Variants in CYP4Z1 observed in about 807,000 individuals in gnomAD.
CYP4Z1 encodes cytochrome P450 family 4 subfamily Z member 1, also known as cytochrome P450 4Z1.
CYP4Z1 carries 41 observed loss-of-function variants against 54.2 expected under a neutral mutation model. The observed-to-expected ratio is 0.76, with a 90% confidence interval of 0.59 to 0.98. The LOEUF is 0.98. Among genes scored for constraint, CYP4Z1 ranks in the 50% least tolerant of loss-of-function variants. CYP4Z1 has a pLI of 0.00. For synonymous variants in CYP4Z1, 163 were observed against 206.2 expected (o/e 0.79, Z 1.79); for missense variants, 513 against 599.0 (o/e 0.86, Z 1.50).
In CYP4Z1 at chr1:47,104,984, C is replaced by T. The variant is rs372738351; in HGVS notation, c.1068-1144C>T. Among the ~76,000 whole-genome samples the T allele has an allele frequency of 2.1e-4, 32 of 152,176 alleles. No homozygotes were observed. In the East Asian group the frequency reaches 5.4e-3, roughly 26 times the overall value. ...GGAGTGCAATGGCACGATCTAGGCTCACCACAAGGGAGGCGCTGCTTTCAT... is the reference window on the plus strand; with the variant it reads ...GGAGTGCAATGGCACGATCTAGGCTTACCACAAGGGAGGCGCTGCTTTCAT... On this transcript the variant is annotated intron_variant, in intron 8 of 11. Transcript: ENST00000334194.
intron 6 of CYP4Z1, among the ~76,000 whole-genome samples, chr1:47,085,726 G>T (rs1239435107): frequency 6.6e-6 from 1 of 150,794 alleles, no homozygotes; most frequent in African/African-American, 2.4e-5. Flanking sequence ...TAAGTTCTAG[G>T]ATACATGTGC....
At chr1:47,106,003 T>G in intron 8 of CYP4Z1, 125 bp from the exon 9 acceptor site, 4 of 1,180,678 alleles carry the variant, frequency 3.4e-6, no homozygotes, top group Non-Finnish European at 4.8e-6. Context: ...TTGATACATC[T>G]GAAGTCCTCC....
intron 6 of CYP4Z1, among the ~76,000 whole-genome samples, chr1:47,085,663 T>G (rs1368429023): frequency 6.6e-6 from 1 of 152,114 alleles, no homozygotes; most frequent in Non-Finnish European, 1.5e-5. Flanking sequence ...CCCTTATATT[T>G]GCGGTTTATG....
chr1:47,064,789 G>T (rs1644441298), upstream of CYP4Z1, among the ~76,000 whole-genome samples: 1 of 152,106 alleles, frequency 6.6e-6, no homozygotes, highest in African/African-American at 2.4e-5. Flanking sequence ...CCAAATTTCT[G>T]CTGTCTTCAG....
At chr1:47,113,873 A>G (rs1487930194) in intron 9 of CYP4Z1, among the ~76,000 whole-genome samples, 1 of 152,228 alleles carries the variant, frequency 6.6e-6, no homozygotes, top group Non-Finnish European at 1.5e-5. Context: ...ATACTGCCCA[A>G]GGTAATTTAT....
At chr1:47,085,703 T>A (rs1314562021) in intron 6 of CYP4Z1, among the ~76,000 whole-genome samples, 4 of 152,160 alleles carry the variant, frequency 2.6e-5, no homozygotes, top group African/African-American at 9.7e-5. Flanking sequence ...TCCTTTTTTT[T>A]ATTATTATAC....
chr1:47,096,386 G>C (rs1011477936), intron 7 of CYP4Z1, among the ~76,000 whole-genome samples: 1 of 152,196 alleles, frequency 6.6e-6, no homozygotes, highest in Admixed American at 6.5e-5. Context: ...CTGTGTGACA[G>C]AGCAAGATAT....
chr1:47,058,293 C>T, the CYP4Z1 span, among the ~76,000 whole-genome samples: 1 of 151,906 alleles, frequency 6.6e-6, no homozygotes, highest in South Asian at 2.1e-4. Flanking sequence ...TAATTTTTCA[C>T]TTTTAAAATG....
chr1:47,093,543 G>C (rs942984713), intron 6 of CYP4Z1, among the ~76,000 whole-genome samples: 1 of 152,172 alleles, frequency 6.6e-6, no homozygotes, highest in Non-Finnish European at 1.5e-5. Flanking sequence ...TGCTATTATG[G>C]CCCATGCTAA....
chr1:47,062,061 C>A, the CYP4Z1 span, among the ~76,000 whole-genome samples: 1 of 152,110 alleles, frequency 6.6e-6, no homozygotes, highest in Non-Finnish European at 1.5e-5. Context: ...TATGACAAAC[C>A]CATATTAGCA....
At chr1:47,093,669 G>C (rs1000700602) in intron 6 of CYP4Z1, among the ~76,000 whole-genome samples, 2 of 152,158 alleles carry the variant, frequency 1.3e-5, no homozygotes, top group African/African-American at 4.8e-5. Flanking sequence ...GAACTGAGGG[G>C]CTATTTTCAT....
At chr1:47,114,311 C>T (rs1569763252) in intron 9 of CYP4Z1, among the ~76,000 whole-genome samples, 2 of 152,166 alleles carry the variant, frequency 1.3e-5, no homozygotes, top group African/African-American at 4.8e-5. Context: ...GGATTAAAGA[C>T]TTAAATGTTA....
chr1:47,058,989 T>C, the CYP4Z1 span, among the ~76,000 whole-genome samples: 2 of 152,218 alleles, frequency 1.3e-5, no homozygotes, highest in Non-Finnish European at 2.9e-5. Context: ...TAATAGTATG[T>C]ATTTGCCCAA....
intron 9 of CYP4Z1, among the ~76,000 whole-genome samples, chr1:47,114,794 C>T (rs1223072709): frequency 3.3e-5 from 5 of 152,130 alleles, no homozygotes; most frequent in Non-Finnish European, 7.4e-5. Context: ...AGTCAGGAAA[C>T]AACAGGTGCT....
intron 9 of CYP4Z1, among the ~76,000 whole-genome samples, chr1:47,109,385 G>A (rs1245677304): frequency 6.6e-6 from 1 of 152,136 alleles, no homozygotes; most frequent in East Asian, 1.9e-4. Flanking sequence ...CATAGAAAAG[G>A]TTTAGAAATT....
chr1:47,064,080 C>CT (rs34267768), upstream of CYP4Z1, among the ~76,000 whole-genome samples: 16,177 of 119,452 alleles, frequency 0.14, 1,322 homozygotes, highest in Admixed American at 0.19. Context: ...GATTTGGGTC[C>CT]TTTTTTTTTT....
chr1:47,098,100 A>G (rs961818240), intron 7 of CYP4Z1, among the ~76,000 whole-genome samples: 1 of 152,134 alleles, frequency 6.6e-6, no homozygotes, highest in Non-Finnish European at 1.5e-5. Flanking sequence ...TACAAGCGTG[A>G]GCCGCTGCAC....
chr1:47,062,044 A>G, the CYP4Z1 span, among the ~76,000 whole-genome samples: 1 of 152,248 alleles, frequency 6.6e-6, no homozygotes. Flanking sequence ...AAATAATAAG[A>G]GCCATCTATG....
chr1:47,083,535 C>G (rs1644570410), intron 4 of CYP4Z1, among the ~76,000 whole-genome samples: 1 of 152,186 alleles, frequency 6.6e-6, no homozygotes, highest in Non-Finnish European at 1.5e-5. Context: ...GTGGCTCATG[C>G]CTGTAATCCC....
Sources: gnomAD v4.1 joint callset for allele counts (sites outside exome capture counted in the v4.1 genomes callset) on GRCh38, gnomAD v4.1.1 for gene constraint, MANE v1.5 for transcripts, NCBI Gene and HGNC (gene_info 2026-07-23, HGNC 2026-07-21) for gene names.